Variants in PLCB1 observed in about 807,000 individuals in gnomAD.
PLCB1 encodes 1-phosphatidylinositol 4,5-bisphosphate phosphodiesterase beta-1.
A neutral mutation model predicts 161.8 loss-of-function variants in PLCB1; 46 were observed. The ratio of observed to expected loss-of-function variants is 0.28; its 90% CI spans 0.22 to 0.36. The LOEUF is 0.36. Ranked by LOEUF, PLCB1 falls within the 10% of genes least tolerant of loss-of-function variation. The pLI is 1.00. For missense variants in PLCB1, 1,016 were observed against 1,472.5 expected, an observed-to-expected ratio of 0.69 and a Z score of 5.07; for synonymous variants, 517 against 503.7, an observed-to-expected ratio of 1.03 and a Z score of -0.35.
chr20:8,371,186 G>A, intron 2 of PLCB1, 196 bp from the exon 3 acceptor site: 1 of 538,444 alleles, frequency 1.9e-6, no homozygotes, highest in Non-Finnish European at 3.3e-6. Context: ...ATGTATAACT[G>A]AGCAGTTAGC....
At chr20:8,431,445 A>G (rs1980038683) in intron 3 of PLCB1, among the ~76,000 whole-genome samples, 1 of 152,176 alleles carries the variant, frequency 6.6e-6, no homozygotes, top group African/African-American at 2.4e-5. Flanking sequence ...TTCGGACAAA[A>G]TGTATCAAAT....
intron 2 of PLCB1, among the ~76,000 whole-genome samples, chr20:8,202,747 C>T (rs954832287): frequency 1.3e-5 from 2 of 152,088 alleles, no homozygotes; most frequent in Non-Finnish European, 2.9e-5. Flanking sequence ...AGATGGTTTG[C>T]CTGCAATAAT....
intron 3 of PLCB1, among the ~76,000 whole-genome samples, chr20:8,604,490 C>T (rs998887474): frequency 2.0e-5 from 3 of 151,890 alleles, no homozygotes; most frequent in Non-Finnish European, 4.4e-5. Context: ...ACTAAGGTTT[C>T]CCAAGTAAAC....
rs140670636 is a variant in PLCB1, at chr20:8,211,433, T to A, written c.177+61062T>A. Among the ~76,000 whole-genome samples, 10 of 152,222 alleles carry A rather than the reference T, an allele frequency of 6.6e-5. No individual in the cohort carries two copies. In the East Asian group the frequency reaches 1.9e-3, roughly 29 times the overall value. On this transcript the variant is annotated intron_variant, in intron 2 of 31. Transcript: ENST00000338037. ...TTCTATCTCTATTTGCATAACACCA[T>A]TTTAGACCATTTACATGGAAGTGTT...
intron 2 of PLCB1, among the ~76,000 whole-genome samples, chr20:8,153,860 G>A (rs549155149): frequency 5.9e-5 from 9 of 152,232 alleles, no homozygotes; most frequent in Admixed American, 1.3e-4. Flanking sequence ...CACACGGTTT[G>A]CATGAAGAAC....
chr20:8,735,813 G>A (rs1267902542), intron 19 of PLCB1, among the ~76,000 whole-genome samples: 2 of 152,200 alleles, frequency 1.3e-5, no homozygotes. Context: ...CAGGTCCCAT[G>A]CACTCAAGCC....
At chr20:8,399,320 T>G (rs1227378118) in intron 3 of PLCB1, among the ~76,000 whole-genome samples, 1 of 152,192 alleles carries the variant, frequency 6.6e-6, no homozygotes, top group East Asian at 1.9e-4. Flanking sequence ...GCAATCCAGT[T>G]GTGCCAACAC....
chr20:8,332,898 A>C (rs6077349), intron 2 of PLCB1, among the ~76,000 whole-genome samples: 1 of 152,048 alleles, frequency 6.6e-6, no homozygotes, highest in Non-Finnish European at 1.5e-5. Context: ...TTAGGATCTT[A>C]TTTGACTAAA....
In PLCB1 at chr20:8,539,644, CTTTCT is replaced by C. The variant is rs751690608; in HGVS notation, c.247-88647_247-88643del. The stretch of plus-strand genomic sequence containing the variant: ...TCTTTCTTTCTTTCTTTCTTTCTTT[CTTTCT>C]TTCTTTCTTTCTTTCTTTCTTTCTT... On this transcript the variant is annotated intron_variant, in intron 3 of 31. Coordinates refer to ENST00000338037, the MANE Select transcript of PLCB1 (RefSeq NM_015192.4). Among the ~76,000 whole-genome samples the C allele has an allele frequency of 9.1e-4, 88 of 96,226 alleles. 4 individuals are homozygous for C. Among genetic ancestry groups the C allele is most frequent in the Middle Eastern group, 5.0e-3 (1 of 202 alleles). 63.1% of individuals were successfully genotyped at this position (96,226 alleles called of 152,430 possible). A position where few individuals can be genotyped will look rare whatever the true frequency, so the allele number is the denominator to read the frequency against.
intron 31 of PLCB1, among the ~76,000 whole-genome samples, chr20:8,815,010 T>C (rs6140729): frequency 0.031 from 4,687 of 152,252 alleles, 199 homozygotes; most frequent in East Asian, 0.21. Context: ...ACACTAACCA[T>C]ACAGGTGTAA....
At chr20:8,317,387 A>G (rs1467213560) in intron 2 of PLCB1, among the ~76,000 whole-genome samples, 1 of 152,090 alleles carries the variant, frequency 6.6e-6, no homozygotes, top group Non-Finnish European at 1.5e-5. Context: ...AACATCCACC[A>G]TCATAGATTG....
chr20:8,356,355 C>A (rs561965084), intron 2 of PLCB1, among the ~76,000 whole-genome samples: 1 of 152,220 alleles, frequency 6.6e-6, no homozygotes, highest in South Asian at 2.1e-4. Context: ...AGGTCCCAAC[C>A]TCTGGAGTTT....
At chr20:8,595,370 G>A (rs1423083535) in intron 3 of PLCB1, among the ~76,000 whole-genome samples, 15 of 139,748 alleles carry the variant, frequency 1.1e-4, no homozygotes, top group South Asian at 2.5e-4. Context: ...TTGTTCTTGC[G>A]ATAGTTTACT....
intron 3 of PLCB1, among the ~76,000 whole-genome samples, chr20:8,566,042 C>A (rs577231582): frequency 1.3e-5 from 2 of 152,218 alleles, no homozygotes; most frequent in East Asian, 3.9e-4. Flanking sequence ...AAAGTTTCAT[C>A]TCATTATGTA....
intron 2 of PLCB1, among the ~76,000 whole-genome samples, chr20:8,339,336 G>A (rs1985712728): frequency 6.6e-6 from 1 of 152,168 alleles, no homozygotes; most frequent in Non-Finnish European, 1.5e-5. Context: ...CACTTCCACA[G>A]TCTTATATAT....
intron 3 of PLCB1, among the ~76,000 whole-genome samples, chr20:8,484,159 G>A (rs1982622557): frequency 6.6e-6 from 1 of 152,134 alleles, no homozygotes; most frequent in African/African-American, 2.4e-5. Flanking sequence ...CCGAGTAGCT[G>A]GGATCATAGG....
At chr20:8,547,570 A>G (rs1193356459) in intron 3 of PLCB1, among the ~76,000 whole-genome samples, 1 of 152,014 alleles carries the variant, frequency 6.6e-6, no homozygotes, top group African/African-American at 2.4e-5. Flanking sequence ...TATGTTCTGA[A>G]ATAGTACTTC....
chr20:8,514,724 A>G (rs927861233), intron 3 of PLCB1, among the ~76,000 whole-genome samples: 3 of 152,156 alleles, frequency 2.0e-5, no homozygotes, highest in Non-Finnish European at 4.4e-5. Context: ...TTAAAACAAA[A>G]ACAGTATCTT....
chr20:8,831,636 T>C (rs770819344), intron 31 of PLCB1, among the ~76,000 whole-genome samples: 1 of 152,104 alleles, frequency 6.6e-6, no homozygotes, highest in Non-Finnish European at 1.5e-5. Flanking sequence ...TGTTACTTAT[T>C]TATTTATTTT....
Sources: allele counts gnomAD v4.1 joint callset (sites outside exome capture counted in the v4.1 genomes callset), GRCh38; gene constraint gnomAD v4.1.1; transcripts MANE v1.5; gene names NCBI Gene and HGNC (gene_info 2026-07-23, HGNC 2026-07-21).